The following APPL2 variants were observed in gnomAD, a reference collection of about 807,000 sequenced individuals.
APPL2 encodes DCC-interacting protein 13-beta.
A neutral mutation model predicts 92.7 loss-of-function variants in APPL2; 84 were observed. That is an observed-to-expected ratio of 0.91 (90% confidence interval 0.76 to 1.09). APPL2 has a LOEUF of 1.09. Ranked by LOEUF, APPL2 falls within the 50% of genes least tolerant of loss-of-function variation. The pLI is 0.00. For missense variants in APPL2, 736 were observed against 824.5 expected, an observed-to-expected ratio of 0.89 and a Z score of 1.31; for synonymous variants, 291 against 291.0, an observed-to-expected ratio of 1.00 and a Z score of 0.00.
At chr12:105,221,233 A>G (rs1469344823) in intron 2 of APPL2, among the ~76,000 whole-genome samples, 1 of 152,244 alleles carries the variant, frequency 6.6e-6, no homozygotes, top group Non-Finnish European at 1.5e-5. Context: ...CCGAGTGAGG[A>G]GTAAATATTA....
Position 105,177,281 on chromosome 12 carries a change from C to T in APPL2, c.1635-19G>A, listed in dbSNP as rs751654637. 3 of 1,608,534 alleles carry T rather than the reference C, an allele frequency of 1.9e-6. No individual in the cohort carries two copies. The South Asian group carries it at 3.3e-5, about 18-fold the overall frequency. ...TATCAACCTGAAATTTTAAAAGATA[C>T]ATTATGTCACAAATGTTGGATAAAT... On this transcript the variant is annotated intron_variant, in intron 17 of 20. Transcript: ENST00000258530.
chr12:105,209,361 T>C (rs10778370), intron 5 of APPL2, among the ~76,000 whole-genome samples: 14,573 of 152,108 alleles, frequency 0.096, 774 homozygotes, highest in East Asian at 0.22. Flanking sequence ...TCAAAGATAC[T>C]AAGAAGATTC....
chr12:105,234,871 G>C (rs1391891036), intron 1 of APPL2, among the ~76,000 whole-genome samples: 1 of 151,844 alleles, frequency 6.6e-6, no homozygotes, highest in Non-Finnish European at 1.5e-5. Context: ...CACACACACA[G>C]CTTGCTTCCA....
intron 17 of APPL2, among the ~76,000 whole-genome samples, chr12:105,184,929 T>C (rs1886457824): frequency 6.6e-6 from 1 of 152,116 alleles, no homozygotes; most frequent in African/African-American, 2.4e-5. Flanking sequence ...TGGGGGCTGC[T>C]ACCTTTCTTT....
chr12:105,195,504 G>A lies in APPL2; in HGVS notation c.1096-3C>T. On this transcript the variant is annotated splice_region_variant and splice_polypyrimidine_tract_variant and intron_variant, in intron 12 of 20. Coordinates refer to ENST00000258530, the MANE Select transcript of APPL2 (RefSeq NM_018171.5). The stretch of plus-strand genomic sequence containing the variant: ...ATGTTGTTTATTGCACATATCCACT[G>A]TAGAGGACATTAAAAAAGAACACTG... 6.2e-7 allele frequency: 1 copy of A among 1,614,164 alleles called. No individual in the cohort carries two copies. The highest frequency in any genetic ancestry group is 8.5e-7 in the Non-Finnish European group (1 of 1,180,032).
At chr12:105,235,126 T>C (rs1299543070) in intron 1 of APPL2, among the ~76,000 whole-genome samples, 2 of 152,206 alleles carry the variant, frequency 1.3e-5, no homozygotes, top group African/African-American at 4.8e-5. Flanking sequence ...ATAAAGGCAC[T>C]TATTTAAATA....
Position 105,203,802 on chromosome 12 carries a change from T to G in APPL2, c.622-17A>C. On this transcript the variant is annotated splice_polypyrimidine_tract_variant and intron_variant, in intron 8 of 20. Transcript: ENST00000258530. ...AAAGTTAATCTGAAAGATATAATTA[T>G]AATATTCTGAAAATCATCCAGGGAA... is the stretch of plus-strand genomic sequence containing the variant. 1 of 1,599,086 alleles carries G rather than the reference T, an allele frequency of 6.3e-7. No homozygotes were observed. Among genetic ancestry groups the G allele is most frequent in the Non-Finnish European group, 8.6e-7 (1 of 1,166,374 alleles).
At chr12:105,203,832 T>C in intron 8 of APPL2, 47 bp from the exon 9 acceptor site, 1 of 1,545,304 alleles carries the variant, frequency 6.5e-7, no homozygotes, top group South Asian at 1.1e-5. Context: ...AGGGAAGTGA[T>C]CAGTGAACTC....
chr12:105,211,617 C>A (rs1003305744), intron 4 of APPL2, among the ~76,000 whole-genome samples: 2 of 152,186 alleles, frequency 1.3e-5, no homozygotes, highest in Non-Finnish European at 2.9e-5. Flanking sequence ...ACTCTGGGCC[C>A]CACCCCACTG....
At chr12:105,220,838 C>T (rs187115973) in intron 2 of APPL2, among the ~76,000 whole-genome samples, 6 of 152,334 alleles carry the variant, frequency 3.9e-5, no homozygotes, top group Admixed American at 2.6e-4. Context: ...AGGGGCACAG[C>T]GTGCAACACA....
intron 8 of APPL2, among the ~76,000 whole-genome samples, chr12:105,205,859 A>G (rs764668195): frequency 6.6e-6 from 1 of 152,206 alleles, no homozygotes. Flanking sequence ...TGCCCATCAT[A>G]AGCACCTGGA....
chr12:105,224,104 C>T (rs1291182079), intron 2 of APPL2, among the ~76,000 whole-genome samples: 4 of 152,158 alleles, frequency 2.6e-5, no homozygotes, highest in African/African-American at 9.7e-5. Context: ...CTGAAAGCTA[C>T]CAATGCCAGC....
At chr12:105,190,723 C>T (rs1367004444) in intron 14 of APPL2, among the ~76,000 whole-genome samples, 3 of 152,214 alleles carry the variant, frequency 2.0e-5, no homozygotes, top group Non-Finnish European at 2.9e-5. Flanking sequence ...CACCCCGCCT[C>T]CCTCCTCTGA....
At chr12:105,207,855 T>C (rs1317668799) in intron 7 of APPL2, 116 bp downstream of exon 7, 4 of 865,174 alleles carry the variant, frequency 4.6e-6, no homozygotes, top group East Asian at 2.5e-5. Flanking sequence ...TAAAAGTCCA[T>C]GTATAGTTAA....
In APPL2 at chr12:105,173,820, A is replaced by G. The variant is rs974752763; in HGVS notation, c.*494T>C. ...TCACCTAACTGCACAAAGAAATGCT[A>G]TTAGGTCCAATTATGAGATAAGCTG... On this transcript the variant is annotated 3_prime_UTR_variant, in exon 21 of 21. Coordinates refer to ENST00000258530, the MANE Select transcript of APPL2 (RefSeq NM_018171.5). The G allele has an allele frequency of 1.3e-5, 2 of 152,494 alleles. No homozygotes were observed. Among genetic ancestry groups the G allele is most frequent in the African/African-American group, 2.4e-5 (1 of 41,446 alleles). 9.4% of individuals were successfully genotyped at this position (152,494 alleles called of 1,614,324 possible). A position where few individuals can be genotyped will look rare whatever the true frequency, so the allele number is the denominator to read the frequency against.
chr12:105,180,625 G>A (rs1886025523), intron 17 of APPL2, among the ~76,000 whole-genome samples: 2 of 152,182 alleles, frequency 1.3e-5, no homozygotes, highest in South Asian at 4.2e-4. Context: ...ATTTGTTTGT[G>A]TCCTCTCTTA....
At chr12:105,177,174 C>T (rs781468127) in intron 18 of APPL2, 52 bp downstream of exon 18, 2 of 1,605,480 alleles carry the variant, frequency 1.2e-6, no homozygotes, top group South Asian at 1.1e-5. Flanking sequence ...AAGGTAGATA[C>T]AAAGGTGAAT....
chr12:105,174,877 G>GGT (rs1740965807), intron 20 of APPL2, among the ~76,000 whole-genome samples: 1 of 23,526 alleles, frequency 4.3e-5, no homozygotes, highest in East Asian at 3.3e-3. Flanking sequence ...TTTTTTTGGT[G>GGT]GGGGGGGGGG....
chr12:105,225,258 T>C (rs1890405311), intron 2 of APPL2, among the ~76,000 whole-genome samples: 1 of 152,138 alleles, frequency 6.6e-6, no homozygotes, highest in African/African-American at 2.4e-5. Flanking sequence ...TTACAAGGGT[T>C]GCCAGGTTTC....
Sources: allele counts gnomAD v4.1 joint callset (sites outside exome capture counted in the v4.1 genomes callset), GRCh38; gene constraint gnomAD v4.1.1; transcripts MANE v1.5; gene names NCBI Gene and HGNC (gene_info 2026-07-23, HGNC 2026-07-21).